The following PTPN11 variants were observed in gnomAD, a reference collection of about 807,000 sequenced individuals.
PTPN11 encodes the protein tyrosine-protein phosphatase non-receptor type 11.
A neutral mutation model predicts 78.8 loss-of-function variants in PTPN11; 6 were observed. The ratio of observed to expected loss-of-function variants is 0.08; its 90% confidence interval spans 0.04 to 0.15. The LOEUF (loss-of-function observed/expected upper bound fraction) is 0.15, where lower values mean the gene tolerates loss of function less well. Among genes scored for constraint, PTPN11 ranks in the 10% least tolerant of loss-of-function variants. PTPN11 has a pLI of 1.00. For synonymous variants in PTPN11, 221 were observed against 263.5 expected (o/e 0.84, Z 1.56); for missense variants, 386 against 744.8 (o/e 0.52, Z 5.61).
At chr12:112,425,631 C>T (rs1247674104) in intron 1 of PTPN11, among the ~76,000 whole-genome samples, 1 of 152,116 alleles carries the variant, frequency 6.6e-6, no homozygotes, top group East Asian at 1.9e-4. Context: ...TTTAGTGTAA[C>T]CAGCACCTGA....
intron 1 of PTPN11, among the ~76,000 whole-genome samples, chr12:112,442,209 A>G (rs995042501): frequency 3.9e-5 from 6 of 152,136 alleles, no homozygotes; most frequent in Non-Finnish European, 7.4e-5. Context: ...AGAGTTGCAA[A>G]ATAGTACAAA....
chr12:112,481,230 C>A (rs989348048), intron 9 of PTPN11, among the ~76,000 whole-genome samples: 3 of 152,182 alleles, frequency 2.0e-5, no homozygotes, highest in African/African-American at 7.2e-5. Context: ...GACAGTCTGG[C>A]TCGTTGGGCA....
At chr12:112,472,214 C>CT (rs1417863017) in intron 6 of PTPN11, among the ~76,000 whole-genome samples, 1 of 152,150 alleles carries the variant, frequency 6.6e-6, no homozygotes, top group East Asian at 1.9e-4. Flanking sequence ...TCTTGAACTC[C>CT]TGGGCTCAAG....
At chr12:112,425,767 C>CA (rs1566154055) in intron 1 of PTPN11, among the ~76,000 whole-genome samples, 3 of 152,106 alleles carry the variant, frequency 2.0e-5, no homozygotes, top group Non-Finnish European at 4.4e-5. Flanking sequence ...CTCACTCTGT[C>CA]ACCCAGGCTG....
chr12:112,424,406 A>T (rs2135825024), intron 1 of PTPN11, among the ~76,000 whole-genome samples: 1 of 152,280 alleles, frequency 6.6e-6, no homozygotes, highest in Non-Finnish European at 1.5e-5. Flanking sequence ...GCAAAATCAT[A>T]GAAGGATGTG....
rs1438753264 is a variant in PTPN11, at chr12:112,488,962, A to G, written c.1448-62A>G. 6 of 1,600,930 alleles carry G rather than the reference A, an allele frequency of 3.7e-6. No individual in the cohort carries two copies. In the East Asian group the frequency reaches 1.1e-4, roughly 30 times the overall value. On this transcript the variant is annotated intron_variant, in intron 12 of 15. Coordinates refer to ENST00000351677, the MANE Select transcript of PTPN11 (RefSeq NM_002834.5). ...TCTCTGAGTCCACTAAAAGTTGTGCATTAAACAACTTCATCCTGGCTCTGC... is the reference window on the plus strand; with the variant it reads ...TCTCTGAGTCCACTAAAAGTTGTGCGTTAAACAACTTCATCCTGGCTCTGC...
chr12:112,466,418 G>A (rs957716024), intron 6 of PTPN11, among the ~76,000 whole-genome samples: 1 of 152,204 alleles, frequency 6.6e-6, no homozygotes, highest in African/African-American at 2.4e-5. Flanking sequence ...AGTTGAAAAG[G>A]CCAGGTGCAG....
At chr12:112,439,262 C>G (rs761797920) in intron 1 of PTPN11, among the ~76,000 whole-genome samples, 1 of 151,988 alleles carries the variant, frequency 6.6e-6, no homozygotes, top group African/African-American at 2.4e-5. Context: ...AGGGGATTGC[C>G]CTTTTTTTTA....
At chr12:112,488,172 C>T (rs972320775) in intron 11 of PTPN11, among the ~76,000 whole-genome samples, 1 of 152,076 alleles carries the variant, frequency 6.6e-6, no homozygotes, top group Non-Finnish European at 1.5e-5. Context: ...TGCTGTTGTC[C>T]CCATTTCACA....
chr12:112,487,901 A>G (rs919327926), intron 11 of PTPN11, among the ~76,000 whole-genome samples: 8 of 152,182 alleles, frequency 5.3e-5, no homozygotes, highest in Admixed American at 1.3e-4. Context: ...CTCATGTCTC[A>G]GCCTCCCGAG....
chr12:112,434,601 C>T lies in PTPN11; in HGVS notation c.15-11675C>T, dbSNP rs545217428. Among the ~76,000 whole-genome samples, 19 of 148,264 alleles carry T rather than the reference C, an allele frequency of 1.3e-4. No individual in the cohort carries two copies. In the South Asian group the frequency reaches 3.6e-3, roughly 28 times the overall value. On this transcript the variant is annotated intron_variant, in intron 1 of 15. Transcript: ENST00000351677. ...CCAGCCTGGCGACAGAGCAAGACTC[C>T]GTCTCAAAAAAAAAAAAAAGAGAGA...
rs2135912471 is a variant in PTPN11, at chr12:112,486,534, G to A, written c.1284G>A (p.Val428=). Residue 428 remains valine, a synonymous_variant, in exon 11 of 16, where the codon GTG becomes GTA. Transcript: ENST00000351677. The part of the protein sequence containing the change: ...YHFRTWPDHG[V]PSDPGGVLDF... ...TTCGGACCTGGCCGGACCACGGCGT[G>A]CCCAGCGACCCTGGGGGCGTGCTGG... is the stretch of plus-strand genomic sequence containing the variant. The A allele has an allele frequency of 6.2e-7, 1 of 1,614,230 alleles. No individual in the cohort carries two copies. The highest frequency in any genetic ancestry group is 8.5e-7 in the Non-Finnish European group (1 of 1,180,042).
rs758937862 is a variant in PTPN11 at position 112,451,901 on chromosome 12, A to C, written c.333-1294A>C. Among the ~76,000 whole-genome samples the C allele has an allele frequency of 6.6e-5, 10 of 152,226 alleles. No homozygotes were observed. The South Asian group carries it at 1.9e-3, about 28-fold the overall frequency. On this transcript the variant is annotated intron_variant, in intron 3 of 15. Transcript: ENST00000351677. ...TTTTTAATTTATTTATTTGAGATGG[A>C]GTCTCACTCTGTCACCCAGGCTGGA...
intron 13 of PTPN11, among the ~76,000 whole-genome samples, chr12:112,500,723 C>G (rs1827624431): frequency 1.3e-5 from 2 of 152,274 alleles, no homozygotes; most frequent in African/African-American, 4.8e-5. Context: ...TCCTGAGTAG[C>G]TGGAATTATA....
intron 6 of PTPN11, among the ~76,000 whole-genome samples, chr12:112,464,220 A>G (rs927311305): frequency 6.6e-6 from 1 of 152,218 alleles, no homozygotes; most frequent in Non-Finnish European, 1.5e-5. Flanking sequence ...CATTTCAGGT[A>G]TCACTATCCA....
chr12:112,501,859 C>G (rs1292052968), intron 13 of PTPN11, among the ~76,000 whole-genome samples: 1 of 152,190 alleles, frequency 6.6e-6, no homozygotes, highest in Non-Finnish European at 1.5e-5. Flanking sequence ...AGTGTGAATT[C>G]TCTTGTAGAA....
At chr12:112,421,299 G>A (rs887629891) in intron 1 of PTPN11, among the ~76,000 whole-genome samples, 1 of 152,250 alleles carries the variant, frequency 6.6e-6, no homozygotes. Flanking sequence ...AATTTGATCA[G>A]TTTTGACATA....
chr12:112,476,488 G>T (rs1592846378), intron 7 of PTPN11, among the ~76,000 whole-genome samples: 1 of 152,096 alleles, frequency 6.6e-6, no homozygotes, highest in African/African-American at 2.4e-5. Context: ...AAAATACCTG[G>T]CTGGGTGCGG....
intron 1 of PTPN11, among the ~76,000 whole-genome samples, chr12:112,445,332 A>G (rs911074674): frequency 6.6e-6 from 1 of 152,112 alleles, no homozygotes; most frequent in Non-Finnish European, 1.5e-5. Context: ...GGGTTTCACC[A>G]CATTGGCCAG....
Sources: gnomAD v4.1 joint callset for allele counts (sites outside exome capture counted in the v4.1 genomes callset) on GRCh38, gnomAD v4.1.1 for gene constraint, MANE v1.5 for transcripts, NCBI Gene and HGNC (gene_info 2026-07-23, HGNC 2026-07-21) for gene names.